The following MMS22L variants were observed in gnomAD, a reference collection of about 807,000 sequenced individuals.
MMS22L encodes protein MMS22-like.
Under a neutral mutation model 159.1 loss-of-function variants are expected in MMS22L, and 74 were observed. That is an observed-to-expected ratio of 0.47 (90% CI 0.39 to 0.56). The LOEUF is 0.56. Among genes scored for constraint, MMS22L ranks in the 20% least tolerant of loss-of-function variants. The pLI is 0.00. For missense variants in MMS22L, 1,351 were observed against 1,422.1 expected, an observed-to-expected ratio of 0.95 and a Z score of 0.80; for synonymous variants, 517 against 506.9, an observed-to-expected ratio of 1.02 and a Z score of -0.27.
intron 14 of MMS22L, among the ~76,000 whole-genome samples, chr6:97,228,616 C>G (rs1810505150): frequency 6.6e-6 from 1 of 152,146 alleles, no homozygotes; most frequent in Non-Finnish European, 1.5e-5. Context: ...GTCCCCTCCT[C>G]AAAATATCTC....
chr6:97,186,789 A>T, intron 14 of MMS22L, 99 bp from the exon 15 acceptor site: 1 of 803,646 alleles, frequency 1.2e-6, no homozygotes, highest in Non-Finnish European at 1.8e-6. Flanking sequence ...TCATATGAGA[A>T]ACATTTTATA....
chr6:97,186,637 A>G lies in MMS22L; in HGVS notation c.2093T>C (p.Phe698Ser), dbSNP rs1193526445. 6.2e-7 allele frequency: 1 copy of G among 1,604,908 alleles called. No individual in the cohort carries two copies. Among genetic ancestry groups the G allele is most frequent in the East Asian group, 2.3e-5 (1 of 44,250 alleles). Residue 698 changes from phenylalanine (F) to serine (S), a missense_variant, in exon 15 of 25, where the codon TTT becomes TCT. Phe to Ser is a radical substitution (Grantham distance 155). Coordinates refer to ENST00000683635, the MANE Select transcript of MMS22L (RefSeq NM_001350599.2). ...TTTAGCCGATAATGAAGACTGTACAAATAGGTCCACATTGTCCCTTTGAAG... is the reference window on the plus strand; with the variant it reads ...TTTAGCCGATAATGAAGACTGTACAGATAGGTCCACATTGTCCCTTTGAAG... The part of the protein sequence containing the change: ...QELQRDNVDL[F>S]VQSSLSAKER...
In MMS22L at chr6:97,271,615, T is replaced by A. The variant is rs892106386; in HGVS notation, c.606+1089A>T. 5.3e-5 allele frequency: 8 copies of A among 152,228 alleles called. No homozygotes were observed. In the South Asian group the frequency reaches 1.0e-3, roughly 20 times the overall value. The allele number at this position is 152,228 out of a possible 1,614,324, so 9.4% of individuals were successfully genotyped here. A position where few individuals can be genotyped will look rare whatever the true frequency, so the allele number is the denominator to read the frequency against. On this transcript the variant is annotated intron_variant, in intron 6 of 24. Transcript: ENST00000683635. Reference sequence around the variant, plus strand: ...TTGCTTTTATTATTACATATATTGATCTCTGATGAAAAACTTGTTTCTGCT... The same window carrying A: ...TTGCTTTTATTATTACATATATTGAACTCTGATGAAAAACTTGTTTCTGCT...
chr6:97,241,217 G>C (rs1020650589), intron 11 of MMS22L, among the ~76,000 whole-genome samples: 4 of 152,162 alleles, frequency 2.6e-5, no homozygotes, highest in Non-Finnish European at 5.9e-5. Flanking sequence ...TGATTGATGG[G>C]TATTGGGCTG....
rs193099019 is a variant in MMS22L at position 97,184,080 on chromosome 6, C to T, written c.2234-2026G>A. ...GCCTCTCCACTACATACAAACTGCT[C>T]TTTCAGGTCACCAGTGACTTCCCTC... On this transcript the variant is annotated intron_variant, in intron 15 of 24. Transcript: ENST00000683635. Among the ~76,000 whole-genome samples the T allele has an allele frequency of 1.0e-3, 152 of 152,270 alleles. 1 individual carries two copies. The highest frequency in any genetic ancestry group is 3.5e-3 in the African/African-American group (145 of 41,568).
intron 22 of MMS22L, among the ~76,000 whole-genome samples, chr6:97,161,456 G>C (rs944659223): frequency 1.3e-5 from 2 of 151,978 alleles, no homozygotes; most frequent in Non-Finnish European, 2.9e-5. Flanking sequence ...TGACCTAAGA[G>C]CTCTATCCCA....
intron 12 of MMS22L, among the ~76,000 whole-genome samples, chr6:97,232,036 A>G (rs565277240): frequency 4.6e-5 from 7 of 152,298 alleles, no homozygotes; most frequent in African/African-American, 1.7e-4. Flanking sequence ...TTCTAAATTT[A>G]GCTGCTTGTA....
At chr6:97,188,327 T>C (rs978063079) in intron 14 of MMS22L, among the ~76,000 whole-genome samples, 12 of 152,228 alleles carry the variant, frequency 7.9e-5, no homozygotes, top group Admixed American at 3.3e-4. Context: ...TTGCTCACCA[T>C]ATCTAAAAAA....
At chr6:97,237,097 G>T (rs1184703095) in intron 11 of MMS22L, among the ~76,000 whole-genome samples, 1 of 152,086 alleles carries the variant, frequency 6.6e-6, no homozygotes, top group Non-Finnish European at 1.5e-5. Context: ...AAAATGAAAA[G>T]GTCAATGGTA....
intron 10 of MMS22L, 116 bp downstream of exon 10, chr6:97,254,437 AATTT>A (rs56240911): frequency 0.68 from 495,111 of 728,368 alleles, 176,579 homozygotes; most frequent in Non-Finnish European, 0.76. Context: ...ATACATAAAT[AATTT>A]ATCTCTGTGA....
chr6:97,181,865 G>GT, intron 16 of MMS22L, 39 bp downstream of exon 16: 1 of 1,586,922 alleles, frequency 6.3e-7, no homozygotes, highest in African/African-American at 1.3e-5. Flanking sequence ...TCTGTCACAG[G>GT]TTTGCATTAA....
chr6:97,173,310 A>T, intron 18 of MMS22L, 88 bp from the exon 19 acceptor site: 1 of 1,233,932 alleles, frequency 8.1e-7, no homozygotes, highest in African/African-American at 1.5e-5. Context: ...CTCTTTTTCT[A>T]CATACGCACC....
At chr6:97,154,016 T>C (rs569391346) in intron 22 of MMS22L, among the ~76,000 whole-genome samples, 1 of 152,192 alleles carries the variant, frequency 6.6e-6, no homozygotes, top group Non-Finnish European at 1.5e-5. Context: ...AGTAACTCCA[T>C]ATTTAACCGC....
At chr6:97,245,989 T>A in intron 11 of MMS22L, 1 of 240,766 alleles carries the variant, frequency 4.2e-6, no homozygotes, top group East Asian at 1.1e-4. Flanking sequence ...TTCCAAAATA[T>A]TATTTATTAT....
At chr6:97,268,179 T>C (rs1451929409) in intron 7 of MMS22L, among the ~76,000 whole-genome samples, 177 bp from the exon 8 acceptor site, 1 of 151,702 alleles carries the variant, frequency 6.6e-6, no homozygotes. Context: ...AAACATTATC[T>C]TCAAAAGTTT....
intron 15 of MMS22L, among the ~76,000 whole-genome samples, chr6:97,186,117 T>C (rs913658893): frequency 1.3e-5 from 2 of 152,272 alleles, no homozygotes; most frequent in South Asian, 4.1e-4. Context: ...TGAAGTGGTA[T>C]TTATTTTATA....
chr6:97,173,330 T>G, intron 18 of MMS22L, 108 bp from the exon 19 acceptor site: 1 of 941,776 alleles, frequency 1.1e-6, no homozygotes, highest in Non-Finnish European at 1.6e-6. Flanking sequence ...CCATACCCTT[T>G]ACATTTAAGC....
At chr6:97,205,761 A>G (rs758965239) in intron 14 of MMS22L, among the ~76,000 whole-genome samples, 1 of 152,194 alleles carries the variant, frequency 6.6e-6, no homozygotes, top group Non-Finnish European at 1.5e-5. Flanking sequence ...AGCTGACCCA[A>G]TCATTTCCAA....
At chr6:97,167,422 G>A (rs1046473131) in intron 20 of MMS22L, among the ~76,000 whole-genome samples, 2 of 152,004 alleles carry the variant, frequency 1.3e-5, no homozygotes, top group Non-Finnish European at 2.9e-5. Flanking sequence ...ACAATATGTG[G>A]ATTATTACAA....
Sources: gnomAD v4.1 joint callset for allele counts (sites outside exome capture counted in the v4.1 genomes callset) on GRCh38, gnomAD v4.1.1 for gene constraint, MANE v1.5 for transcripts, NCBI Gene and HGNC (gene_info 2026-07-23, HGNC 2026-07-21) for gene names.